Variants in ADIPOR2 observed in about 807,000 individuals in gnomAD.
ADIPOR2 encodes adiponectin receptor protein 2.
A neutral mutation model predicts 40.9 loss-of-function variants in ADIPOR2; 18 were observed. The observed-to-expected ratio is 0.44, with a 90% confidence interval of 0.30 to 0.65. The LOEUF (loss-of-function observed/expected upper bound fraction) is 0.65, where lower values mean the gene tolerates loss of function less well. Among genes scored for constraint, ADIPOR2 ranks in the 30% least tolerant of loss-of-function variants. The pLI, the probability that ADIPOR2 is intolerant of heterozygous loss-of-function variation, is 0.09. For missense variants in ADIPOR2, 283 were observed against 479.2 expected, an observed-to-expected ratio of 0.59 and a Z score of 3.82; for synonymous variants, 165 against 166.4, an observed-to-expected ratio of 0.99 and a Z score of 0.06.
chr12:1,762,815 G>A (rs997539148), intron 2 of ADIPOR2, among the ~76,000 whole-genome samples: 3 of 152,132 alleles, frequency 2.0e-5, no homozygotes, highest in African/African-American at 7.2e-5. Flanking sequence ...TTGTACACTG[G>A]GACTCTTGTC....
At chr12:1,748,882 G>A (rs1228222514) in intron 1 of ADIPOR2, among the ~76,000 whole-genome samples, 1 of 151,770 alleles carries the variant, frequency 6.6e-6, no homozygotes, top group Non-Finnish European at 1.5e-5. Flanking sequence ...CTCTAATTCA[G>A]TTCGACACTA....
intron 1 of ADIPOR2, among the ~76,000 whole-genome samples, chr12:1,747,535 C>T (rs181419689): frequency 5.9e-5 from 9 of 152,038 alleles, no homozygotes; most frequent in South Asian, 4.1e-4. Context: ...GTGGGTGGTA[C>T]GTGGATTTGA....
chr12:1,768,303 A>G (rs1862426891), intron 2 of ADIPOR2, among the ~76,000 whole-genome samples: 1 of 152,192 alleles, frequency 6.6e-6, no homozygotes, highest in Admixed American at 6.5e-5. Context: ...CCGAAGCTCT[A>G]GATGAACTAG....
intron 1 of ADIPOR2, among the ~76,000 whole-genome samples, chr12:1,730,147 T>G (rs2094716766): frequency 6.6e-6 from 1 of 152,162 alleles, no homozygotes; most frequent in Non-Finnish European, 1.5e-5. Flanking sequence ...GGGGGAATTC[T>G]TAGGCATCTC....
rs142142859 is a variant in ADIPOR2, at chr12:1,749,063, G to A, written c.-86-5195G>A. On this transcript the variant is annotated intron_variant, in intron 1 of 7. Transcript: ENST00000357103. ...GGGTTCATTAATTTGCTGGACTGGC[G>A]CACAGAACTCAGGGAAACACTTATT... 2.0e-3 allele frequency among the ~76,000 whole-genome samples: 306 copies of A among 152,236 alleles called. 10 individuals are homozygous for A. In the East Asian group the frequency reaches 0.046, roughly 23 times the overall value.
intron 1 of ADIPOR2, among the ~76,000 whole-genome samples, chr12:1,733,447 C>A (rs1227617397): frequency 6.6e-6 from 1 of 152,072 alleles, no homozygotes; most frequent in East Asian, 1.9e-4. Flanking sequence ...ACTCTTGAGA[C>A]CTGCATTCTT....
chr12:1,752,134 TTGGCCAGGA>T (rs2094770644), intron 1 of ADIPOR2, among the ~76,000 whole-genome samples: 1 of 151,362 alleles, frequency 6.6e-6, no homozygotes, highest in Admixed American at 6.6e-5. Flanking sequence ...TTTCACCATG[TTGGCCAGGA>T]TGGTCTAGAT....
intron 7 of ADIPOR2, 129 bp from the exon 8 acceptor site, chr12:1,785,815 T>G: frequency 8.0e-7 from 1 of 1,253,010 alleles, no homozygotes; most frequent in Non-Finnish European, 1.1e-6. Flanking sequence ...GCCTTGAATT[T>G]GAGCTCTGTC....
At chr12:1,738,650 C>G (rs944374822) in intron 1 of ADIPOR2, among the ~76,000 whole-genome samples, 1 of 152,142 alleles carries the variant, frequency 6.6e-6, no homozygotes, top group Non-Finnish European at 1.5e-5. Flanking sequence ...ATGCTGGTCC[C>G]CCTTTGACCT....
chr12:1,750,808 T>A (rs1399277817), intron 1 of ADIPOR2, among the ~76,000 whole-genome samples: 3 of 152,154 alleles, frequency 2.0e-5, no homozygotes, highest in Non-Finnish European at 2.9e-5. Flanking sequence ...CATTGATGAT[T>A]TTTCTTATTT....
In ADIPOR2 at chr12:1,745,801, T is replaced by C. The variant is rs772319784; in HGVS notation, c.-86-8457T>C. Among the ~76,000 whole-genome samples, 37 of 152,320 alleles carry C rather than the reference T, an allele frequency of 2.4e-4. No homozygotes were observed. In the Middle Eastern group the frequency reaches 0.01, roughly 42 times the overall value. On this transcript the variant is annotated intron_variant, in intron 1 of 7. Coordinates refer to ENST00000357103, the MANE Select transcript of ADIPOR2 (RefSeq NM_024551.3). ...GGGTGCTTTTCAAACCAATGTCTTATCCTTCTTAGTGCCTCAAACTACATC... is the reference window on the plus strand; with the variant it reads ...GGGTGCTTTTCAAACCAATGTCTTACCCTTCTTAGTGCCTCAAACTACATC...
intron 1 of ADIPOR2, among the ~76,000 whole-genome samples, chr12:1,749,832 GTTTT>G (rs57852014): frequency 8.4e-6 from 1 of 119,232 alleles, no homozygotes; most frequent in African/African-American, 3.2e-5. Context: ...TATTTGTTTA[GTTTT>G]TTTTTTTTTT....
At chr12:1,724,608 A>G (rs2094704195) in intron 1 of ADIPOR2, among the ~76,000 whole-genome samples, 1 of 152,234 alleles carries the variant, frequency 6.6e-6, no homozygotes, top group South Asian at 2.1e-4. Context: ...AGTAACATTA[A>G]CTGTGCACTT....
chr12:1,724,350 G>A (rs2094703672), intron 1 of ADIPOR2, among the ~76,000 whole-genome samples: 1 of 152,138 alleles, frequency 6.6e-6, no homozygotes. Context: ...GATGAATCTT[G>A]AGAACAATAC....
chr12:1,756,471 T>TA (rs1862136155), intron 2 of ADIPOR2, among the ~76,000 whole-genome samples: 1 of 149,836 alleles, frequency 6.7e-6, no homozygotes, highest in Non-Finnish European at 1.5e-5. Context: ...TTTTTTTTTT[T>TA]AAAGGACCAA....
At chr12:1,747,060 C>G (rs1169291110) in intron 1 of ADIPOR2, among the ~76,000 whole-genome samples, 1 of 147,140 alleles carries the variant, frequency 6.8e-6, no homozygotes, top group African/African-American at 2.5e-5. Context: ...TGCCCCCCCC[C>G]AAAAAATAAA....
chr12:1,733,452 A>T (rs895515892), intron 1 of ADIPOR2, among the ~76,000 whole-genome samples: 1 of 152,142 alleles, frequency 6.6e-6, no homozygotes, highest in African/African-American at 2.4e-5. Context: ...TGAGACCTGC[A>T]TTCTTTATTT....
At position 1,714,309 on chromosome 12, in the gene ADIPOR2, C is replaced by T. The variant is rs367718426; in HGVS notation, c.-87+23118C>T. 8.5e-5 allele frequency among the ~76,000 whole-genome samples: 13 copies of T among 152,172 alleles called. No individual in the cohort carries two copies. In the East Asian group the frequency reaches 1.2e-3, roughly 14 times the overall value. On this transcript the variant is annotated intron_variant, in intron 1 of 7. Transcript: ENST00000357103. ...CTTTTCCTTTTCAGCCTGTTCTTCTCGATCCCTACTGTAGAACACGGAGGT... is the reference window on the plus strand; with the variant it reads ...CTTTTCCTTTTCAGCCTGTTCTTCTTGATCCCTACTGTAGAACACGGAGGT...
chr12:1,741,996 C>T (rs188848139), intron 1 of ADIPOR2, among the ~76,000 whole-genome samples: 1 of 139,936 alleles, frequency 7.1e-6, no homozygotes, highest in East Asian at 2.3e-4. Context: ...CTGGACTTGA[C>T]TGAAAAGTTA....
Sources: gnomAD v4.1 joint callset for allele counts (sites outside exome capture counted in the v4.1 genomes callset) on GRCh38, gnomAD v4.1.1 for gene constraint, MANE v1.5 for transcripts, NCBI Gene and HGNC (gene_info 2026-07-23, HGNC 2026-07-21) for gene names.